CAPRIN1: variants seen among roughly 807,000 people sequenced by gnomAD.
CAPRIN1 encodes caprin-1.
CAPRIN1 carries 29 observed loss-of-function variants against 100.9 expected under a neutral mutation model. The ratio of observed to expected loss-of-function variants is 0.29; its 90% CI spans 0.21 to 0.39. The LOEUF is 0.39. CAPRIN1 is among the 10% of genes least tolerant of loss of function. The pLI is 1.00. For missense variants in CAPRIN1, 795 were observed against 876.7 expected (o/e 0.91, Z 1.18); for synonymous variants, 338 against 307.5 (o/e 1.10, Z -1.04).
chr11:34,059,270 GT>G (rs776890676), intron 2 of CAPRIN1, among the ~76,000 whole-genome samples: 147 of 137,444 alleles, frequency 1.1e-3, no homozygotes, highest in South Asian at 1.9e-3. Context: ...TCTTGACATT[GT>G]TTTTTTTTTT....
chr11:34,058,039 C>T (rs570519020), intron 2 of CAPRIN1, among the ~76,000 whole-genome samples: 3 of 151,892 alleles, frequency 2.0e-5, no homozygotes, highest in African/African-American at 4.8e-5. Context: ...TTTTTTAGAG[C>T]TTAAACCACC....
Position 34,099,994 on chromosome 11 carries a change from T to C in CAPRIN1, c.*627T>C, listed in dbSNP as rs1363999869. The C allele has an allele frequency of 1.3e-5, 2 of 152,766 alleles. No homozygotes were observed. The highest frequency in any genetic ancestry group is 2.9e-5 in the Non-Finnish European group (2 of 68,120). 9.5% of individuals were successfully genotyped at this position (152,766 alleles called of 1,614,324 possible). A position where few individuals can be genotyped will look rare whatever the true frequency, so the allele number is the denominator to read the frequency against. On this transcript the variant is annotated 3_prime_UTR_variant, in exon 19 of 19. Transcript: ENST00000341394. The stretch of plus-strand genomic sequence containing the variant: ...TTAAAAACACATGTAAAATGCTTTT[T>C]AACAGCTGATACTGTATAAGACAAA...
chr11:34,052,460 T>C lies in CAPRIN1; in HGVS notation c.40T>C (p.Ser14Pro). ...ATSHSGSGSK[S>P]SGPPPPSGSS... is the part of the protein sequence containing the mutation. ...CAGCCACAGCGGGAGCGGCAGCAAG[T>C]CGTCCGGACCGCCACCGCCGTCGGG... Residue 14 changes from serine (S) to proline (P), a missense_variant, in exon 2 of 19, where the codon TCG becomes CCG. By Grantham distance (74) the Ser-to-Pro change is moderately conservative. Around this residue, in one of 3 missense-constraint regions of CAPRIN1, gnomAD observed 109 missense variants for 86.6 expected, o/e 1.26. Transcript: ENST00000341394. The C allele has an allele frequency of 1.9e-6, 3 of 1,606,722 alleles. No homozygotes were observed. The highest frequency in any genetic ancestry group is 2.5e-6 in the Non-Finnish European group (3 of 1,178,600).
At chr11:34,052,702 G>A in intron 2 of CAPRIN1, 66 bp downstream of exon 2, 2 of 1,503,642 alleles carry the variant, frequency 1.3e-6, no homozygotes, top group South Asian at 1.2e-5. Flanking sequence ...TCCGACCCTG[G>A]TCGCTGGAGC....
intron 9 of CAPRIN1, 49 bp downstream of exon 9, chr11:34,083,090 A>C: frequency 8.1e-7 from 1 of 1,230,216 alleles, no homozygotes; most frequent in Non-Finnish European, 1.2e-6. Flanking sequence ...TTCAGTTAGT[A>C]ATTTTTATCT....
chr11:34,090,086 T>A (rs1341998465), intron 12 of CAPRIN1, 93 bp from the exon 13 acceptor site: 7 of 636,344 alleles, frequency 1.1e-5, no homozygotes, highest in Non-Finnish European at 1.7e-5. Context: ...GTTGTATCTA[T>A]TTCTTAGCCT....
At chr11:34,090,736 T>A in intron 14 of CAPRIN1, 58 bp downstream of exon 14, 1 of 1,524,006 alleles carries the variant, frequency 6.6e-7, no homozygotes, top group Non-Finnish European at 9.0e-7. Flanking sequence ...TGGTAGATTT[T>A]CTTTTCTTTT....
chr11:34,089,503 G>C, intron 12 of CAPRIN1, 47 bp downstream of exon 12: 2 of 1,091,900 alleles, frequency 1.8e-6, no homozygotes. Context: ...TAGGTGGCTC[G>C]TACCTATAAT....
intron 2 of CAPRIN1, among the ~76,000 whole-genome samples, chr11:34,069,340 G>T (rs1324590606): frequency 6.6e-6 from 1 of 151,646 alleles, no homozygotes; most frequent in African/African-American, 2.4e-5. Flanking sequence ...GGTAGAGACG[G>T]GGTTTCACAG....
At chr11:34,056,931 T>C (rs1850463460) in intron 2 of CAPRIN1, among the ~76,000 whole-genome samples, 1 of 152,242 alleles carries the variant, frequency 6.6e-6, no homozygotes, top group Non-Finnish European at 1.5e-5. Flanking sequence ...TACTTTTTCC[T>C]GAAGGCTTTC....
In CAPRIN1 at chr11:34,088,714, G is replaced by A. The variant is rs138628765; in HGVS notation, c.1232-681G>A. 1.1e-3 allele frequency among the ~76,000 whole-genome samples: 174 copies of A among 152,186 alleles called. 1 individual carries two copies. The East Asian group carries it at 0.029, about 25-fold the overall frequency. Reference sequence around the variant, plus strand: ...CAAAATGGAATACTATCTGTCTGAGGTCTAGAGTATGAATAATGCCACTTT... The same window carrying A: ...CAAAATGGAATACTATCTGTCTGAGATCTAGAGTATGAATAATGCCACTTT... On this transcript the variant is annotated intron_variant, in intron 11 of 18. Coordinates refer to ENST00000341394, the MANE Select transcript of CAPRIN1 (RefSeq NM_005898.5).
At chr11:34,081,090 T>A (rs540897689) in intron 7 of CAPRIN1, among the ~76,000 whole-genome samples, 1 of 152,196 alleles carries the variant, frequency 6.6e-6, no homozygotes, top group Admixed American at 6.5e-5. Flanking sequence ...GAATAAATGG[T>A]AAAGAAAACT....
chr11:34,091,924 C>G lies in CAPRIN1; in HGVS notation c.1573C>G (p.Pro525Ala). The G allele has an allele frequency of 6.2e-7, 1 of 1,613,188 alleles. No homozygotes were observed. The highest frequency in any genetic ancestry group is 8.5e-7 in the Non-Finnish European group (1 of 1,179,648). ...SMQTVFNMNA[P>A]VPPVNEPETL... ...CTAACAGGTGTTCAATATGAATGCC[C>G]CAGTTCCTCCTGTTAATGAACCAGA... is the stretch of plus-strand genomic sequence containing the variant. Residue 525 changes from proline to alanine, a missense_variant, in exon 15 of 19, where the codon CCA (proline) becomes GCA (alanine). This residue lies in a region of CAPRIN1 where 648 missense variants were observed against 697.9 expected (regional missense o/e 0.93). Coordinates refer to ENST00000341394, the MANE Select transcript of CAPRIN1 (RefSeq NM_005898.5).
chr11:34,063,976 C>CA lies in CAPRIN1; in HGVS notation c.217-7749dup, dbSNP rs1565084594. Among the ~76,000 whole-genome samples, 39 of 152,210 alleles carry CA rather than the reference C, an allele frequency of 2.6e-4. No individual in the cohort carries two copies. The East Asian group carries it at 7.5e-3, about 29-fold the overall frequency. On this transcript the variant is annotated intron_variant, in intron 2 of 18. Transcript: ENST00000341394. ...AGAGACGGGGTTTCTCCATGTTGGT[C>CA]AGGCTGGTCTTGAACTCCTGACCTC...
intron 4 of CAPRIN1, among the ~76,000 whole-genome samples, chr11:34,072,923 T>C (rs976763666): frequency 8.5e-5 from 13 of 152,230 alleles, no homozygotes; most frequent in African/African-American, 2.7e-4. Context: ...TTGCCTACAG[T>C]AGTCAGTACA....
chr11:34,089,349 A>G lies in CAPRIN1; in HGVS notation c.1232-46A>G, dbSNP rs1436509678. The stretch of plus-strand genomic sequence containing the variant: ...AAAAGGTATTTAGACGCGTCTCTCT[A>G]AAAATTTAATTTTGTTTGACAAAAA... On this transcript the variant is annotated intron_variant, in intron 11 of 18. Coordinates refer to ENST00000341394, the MANE Select transcript of CAPRIN1 (RefSeq NM_005898.5). The G allele has an allele frequency of 4.7e-6, 6 of 1,271,526 alleles. No homozygotes were observed. The East Asian group carries it at 1.7e-4, about 36-fold the overall frequency. 78.8% of individuals were successfully genotyped at this position (1,271,526 alleles called of 1,614,324 possible).
chr11:34,091,385 C>T (rs1851261874), intron 14 of CAPRIN1, among the ~76,000 whole-genome samples: 1 of 152,148 alleles, frequency 6.6e-6, no homozygotes, highest in African/African-American at 2.4e-5. Flanking sequence ...CTCCTGGGTT[C>T]AAGCGATTCT....
intron 2 of CAPRIN1, among the ~76,000 whole-genome samples, chr11:34,060,195 C>CAAAAA (rs1175800677): frequency 3.7e-4 from 15 of 40,422 alleles, no homozygotes; most frequent in South Asian, 1.0e-3. Context: ...TACTCCATCT[C>CAAAAA]AAAAAAAAAA....
rs1441709317 is a variant in CAPRIN1, at chr11:34,102,361, A to G, written c.*2994A>G. 2.6e-5 allele frequency among the ~76,000 whole-genome samples: 4 copies of G among 152,222 alleles called. No homozygotes were observed. The highest frequency in any genetic ancestry group is 2.6e-4 in the Admixed American group (4 of 15,282). On this transcript the variant is annotated 3_prime_UTR_variant, in exon 19 of 19. Coordinates refer to ENST00000341394, the MANE Select transcript of CAPRIN1 (RefSeq NM_005898.5). ...CTTCATTTTATGTTTAAGCTCCTGA[A>G]TCTGCATTCCACTTGGGTTGTTTTT...
Sources: allele counts gnomAD v4.1 joint callset (sites outside exome capture counted in the v4.1 genomes callset), GRCh38; gene constraint gnomAD v4.1.1; regional missense constraint gnomAD v4.1.1; transcripts MANE v1.5; gene names NCBI Gene and HGNC (gene_info 2026-07-23, HGNC 2026-07-21).